Variants in WWOX observed in about 807,000 individuals in gnomAD.
WWOX encodes the protein WW domain containing oxidoreductase, also known as WW domain-containing oxidoreductase.
A neutral mutation model predicts 46.2 loss-of-function variants in WWOX; 69 were observed. That is an observed-to-expected ratio of 1.49 (90% CI 1.23 to 1.82). The LOEUF (loss-of-function observed/expected upper bound fraction) is 1.82, where lower values mean the gene tolerates loss of function less well. Among genes scored for constraint, WWOX ranks in the 40% most tolerant of loss-of-function variants. The pLI, the probability that WWOX is intolerant of heterozygous loss-of-function variation, is 0.00. For missense variants in WWOX, 919 were observed against 542.6 expected (o/e 1.69, Z -6.89); for synonymous variants, 359 against 202.6 (o/e 1.77, Z -6.56).
intron 8 of WWOX, among the ~76,000 whole-genome samples, chr16:78,510,038 G>A (rs1305565897): frequency 2.0e-5 from 3 of 151,604 alleles, no homozygotes; most frequent in Non-Finnish European, 4.4e-5. Context: ...CTCTGGCCTG[G>A]GCAACAAAGA....
chr16:78,306,113 G>A (rs2080129720), intron 5 of WWOX, among the ~76,000 whole-genome samples: 1 of 151,942 alleles, frequency 6.6e-6, no homozygotes, highest in Non-Finnish European at 1.5e-5. Context: ...GTCTTCCAAA[G>A]GATTTGCCTT....
chr16:78,239,976 G>T (rs892200736), intron 5 of WWOX, among the ~76,000 whole-genome samples: 4 of 129,892 alleles, frequency 3.1e-5, no homozygotes, highest in African/African-American at 1.2e-4. Flanking sequence ...ACAGACACAG[G>T]CAAGGGAAGC....
chr16:78,620,443 G>T (rs2046150080), intron 8 of WWOX, among the ~76,000 whole-genome samples: 1 of 152,160 alleles, frequency 6.6e-6, no homozygotes, highest in African/African-American at 2.4e-5. Context: ...GGACATTCAA[G>T]GCCGAAACTT....
intron 5 of WWOX, among the ~76,000 whole-genome samples, chr16:78,182,124 A>G (rs752301581): frequency 3.9e-5 from 6 of 152,228 alleles, no homozygotes; most frequent in African/African-American, 7.2e-5. Flanking sequence ...TGCGAAAACC[A>G]TGTGACCTTC....
At chr16:78,673,042 A>AG (rs2047504947) in intron 8 of WWOX, among the ~76,000 whole-genome samples, 1 of 152,192 alleles carries the variant, frequency 6.6e-6, no homozygotes. Context: ...AATGGGGTGA[A>AG]GGGGGAATGG....
chr16:79,066,153 G>C (rs1028135852), intron 8 of WWOX, among the ~76,000 whole-genome samples: 3 of 151,952 alleles, frequency 2.0e-5, no homozygotes, highest in African/African-American at 7.3e-5. Flanking sequence ...ACTAATCTTT[G>C]AGTTTGCCGT....
At chr16:78,910,360 C>G (rs1024948724) in intron 8 of WWOX, among the ~76,000 whole-genome samples, 1 of 152,000 alleles carries the variant, frequency 6.6e-6, no homozygotes, top group African/African-American at 2.4e-5. Flanking sequence ...ACAGCCTTTT[C>G]TGGACTTGTA....
intron 8 of WWOX, among the ~76,000 whole-genome samples, chr16:78,598,449 C>G (rs1597326794): frequency 1.3e-5 from 2 of 152,288 alleles, no homozygotes; most frequent in East Asian, 3.9e-4. Context: ...TCCCCCCGCC[C>G]TGGCCCCTGT....
chr16:78,459,088 C>G (rs2083891910), intron 8 of WWOX, among the ~76,000 whole-genome samples: 1 of 152,174 alleles, frequency 6.6e-6, no homozygotes, highest in African/African-American at 2.4e-5. Flanking sequence ...TTTGGAAGGA[C>G]TGATCCGCAA....
At chr16:78,464,535 C>G (rs1397635038) in intron 8 of WWOX, among the ~76,000 whole-genome samples, 1 of 152,134 alleles carries the variant, frequency 6.6e-6, no homozygotes, top group Non-Finnish European at 1.5e-5. Context: ...TTCCTTGAAT[C>G]TTCATGACGA....
Position 78,324,661 on chromosome 16 carries a change from G to A in WWOX, c.517-62199G>A, listed in dbSNP as rs887351301. On this transcript the variant is annotated intron_variant, in intron 5 of 8. Transcript: ENST00000566780. ...TAATGTGAGTGAACCTGGTAAACAT[G>A]AGGCTAAGTGAAAGAAGTTAGTTAC... Among the ~76,000 whole-genome samples the A allele has an allele frequency of 9.2e-5, 14 of 152,172 alleles. No individual in the cohort carries two copies. In the East Asian group the frequency reaches 2.1e-3, roughly 23 times the overall value.
chr16:78,909,879 C>G (rs139604114), intron 8 of WWOX, among the ~76,000 whole-genome samples: 2 of 152,144 alleles, frequency 1.3e-5, no homozygotes, highest in Admixed American at 1.3e-4. Context: ...CATGCTTATT[C>G]CTTAGGCATC....
intron 8 of WWOX, among the ~76,000 whole-genome samples, chr16:78,812,354 A>C (rs1047797274): frequency 6.6e-6 from 1 of 152,116 alleles, no homozygotes; most frequent in African/African-American, 2.4e-5. Context: ...CACCGATTTA[A>C]CATGACAGGT....
At chr16:78,288,138 C>T (rs1268367043) in intron 5 of WWOX, among the ~76,000 whole-genome samples, 1 of 151,818 alleles carries the variant, frequency 6.6e-6, no homozygotes, top group African/African-American at 2.4e-5. Flanking sequence ...TGGTCACCTC[C>T]AATTATAGAC....
intron 8 of WWOX, among the ~76,000 whole-genome samples, chr16:78,893,172 G>C (rs909381648): frequency 1.3e-5 from 2 of 151,582 alleles, no homozygotes; most frequent in African/African-American, 4.8e-5. Flanking sequence ...ACACGACTAT[G>C]AGATGGAATG....
chr16:78,744,576 C>T (rs2049304864), intron 8 of WWOX, among the ~76,000 whole-genome samples: 2 of 151,756 alleles, frequency 1.3e-5, no homozygotes, highest in African/African-American at 4.8e-5. Flanking sequence ...GGATTACAGG[C>T]ACCTGCCACC....
intron 5 of WWOX, among the ~76,000 whole-genome samples, chr16:78,337,091 C>G (rs1049270157): frequency 2.0e-5 from 3 of 152,036 alleles, no homozygotes; most frequent in Admixed American, 1.3e-4. Flanking sequence ...CTAGGATAAT[C>G]TTAATTTTAA....
chr16:78,484,566 C>CT (rs1266004036), intron 8 of WWOX, among the ~76,000 whole-genome samples: 1 of 152,196 alleles, frequency 6.6e-6, no homozygotes, highest in Non-Finnish European at 1.5e-5. Context: ...ATCACGTATA[C>CT]TTAAGCAGAA....
chr16:78,990,618 C>G (rs1433845065), intron 8 of WWOX, among the ~76,000 whole-genome samples: 2 of 151,500 alleles, frequency 1.3e-5, no homozygotes, highest in Non-Finnish European at 2.9e-5. Flanking sequence ...GTAGAGCGAA[C>G]AGGCCAGAAT....
Sources: allele counts gnomAD v4.1 joint callset (sites outside exome capture counted in the v4.1 genomes callset), GRCh38; gene constraint gnomAD v4.1.1; transcripts MANE v1.5; gene names NCBI Gene and HGNC (gene_info 2026-07-23, HGNC 2026-07-21).